Variants in RPL8 observed in about 807,000 individuals in gnomAD.
RPL8 encodes large ribosomal subunit protein uL2.
For missense variants in RPL8, 248 were observed against 365.9 expected (o/e 0.68, Z 2.63); for synonymous variants, 182 against 143.2 (o/e 1.27, Z -1.94).
chr8:144,791,624 C>T, intron 2 of RPL8, 129 bp from the exon 3 acceptor site: 1 of 1,476,012 alleles, frequency 6.8e-7, no homozygotes, highest in South Asian at 1.3e-5. Flanking sequence ...TCTCTCGGCA[C>T]CCACCGGTGG....
rs1163223704 is a variant in RPL8 at position 144,790,391 on chromosome 8, C to T, written c.579G>A (p.Arg193=). 11 of 1,614,074 alleles carry T rather than the reference C, an allele frequency of 6.8e-6. No individual in the cohort carries two copies. Among genetic ancestry groups the T allele is most frequent in the South Asian group, 4.4e-5 (4 of 91,090 alleles). Residue 193 remains arginine, a synonymous_variant, in exon 4 of 5, where the codon AGG becomes AGA. Transcript: ENST00000528957. ...GRAYHKYKAK[R]NCWPRVRGVA... is the part of the protein sequence containing the mutation. ...CACCCCGTACTCGTGGCCAGCAGTT[C>T]CTCTTTGCCTTATATTTGTGGTACG...
At chr8:144,791,532 A>G (rs1323304236) in intron 2 of RPL8, 37 bp from the exon 3 acceptor site, 1 of 1,602,412 alleles carries the variant, frequency 6.2e-7, no homozygotes, top group Non-Finnish European at 8.5e-7. Flanking sequence ...TCAGCACAGT[A>G]AGAAACAATG....
intron 2 of RPL8, 52 bp from the exon 3 acceptor site, chr8:144,791,547 C>T (rs749982015): frequency 1.3e-6 from 2 of 1,576,492 alleles, no homozygotes; most frequent in South Asian, 2.3e-5. Flanking sequence ...ACAATGCGAA[C>T]CCCCTCGCTC....
chr8:144,790,832 G>A (rs1473063638), intron 3 of RPL8: 5 of 544,806 alleles, frequency 9.2e-6, no homozygotes, highest in Non-Finnish European at 1.8e-5. Context: ...CAACCTCAGA[G>A]CCTCCCCTGT....
intron 4 of RPL8, 30 bp from the exon 5 acceptor site, chr8:144,789,992 C>A (rs1216565010): frequency 1.3e-6 from 2 of 1,581,748 alleles, no homozygotes; most frequent in Admixed American, 1.8e-5. Context: ...GCTTTAGAAA[C>A]CTCTTCCCCA....
At chr8:144,790,545 G>A (rs1324564335) in intron 3 of RPL8, 75 bp from the exon 4 acceptor site, 2 of 1,130,088 alleles carry the variant, frequency 1.8e-6, no homozygotes, top group Non-Finnish European at 2.7e-6. Flanking sequence ...CTCCTGTCAT[G>A]CACCTTCCCA....
At position 144,790,433 on chromosome 8, in the gene RPL8, G is replaced by A. The variant is rs1188532988; in HGVS notation, c.537C>T (p.Ile179=). 6.2e-7 allele frequency: 1 copy of A among 1,613,970 alleles called. No homozygotes were observed. Among genetic ancestry groups the A allele is most frequent in the Non-Finnish European group, 8.5e-7 (1 of 1,180,004 alleles). Residue 179 remains isoleucine, a synonymous_variant, in exon 4 of 5, where the codon ATC becomes ATT. Transcript: ENST00000528957. ...TGTGGTACGCCCGGCCAGCCTTCAA[G>A]ATGGGTTTGTCAATTCGGCCACCTC... is the stretch of plus-strand genomic sequence containing the variant. ...VAGGGRIDKP[I]LKAGRAYHKY... is the part of the protein sequence containing the mutation.
Sources: allele counts gnomAD v4.1 joint callset, GRCh38; gene constraint gnomAD v4.1.1; transcripts MANE v1.5; gene names NCBI Gene and HGNC (gene_info 2026-07-23, HGNC 2026-07-21).